The following AGMO variants were observed in gnomAD, a reference collection of about 807,000 sequenced individuals.
AGMO encodes glyceryl-ether monooxygenase.
Under a neutral mutation model 60.2 loss-of-function variants are expected in AGMO, and 75 were observed. The observed-to-expected ratio is 1.25, with a 90% CI of 1.03 to 1.51. The LOEUF is 1.51. AGMO is among the 40% of genes most tolerant of loss of function. The probability of loss-of-function intolerance (pLI) is 0.00; values close to 1 mark genes in which losing one functional copy is unlikely to be tolerated. For missense variants in AGMO, 763 were observed against 525.5 expected (o/e 1.45, Z -4.42); for synonymous variants, 261 against 177.1 (o/e 1.47, Z -3.76).
At chr7:15,505,065 G>T (rs560521648) in intron 3 of AGMO, among the ~76,000 whole-genome samples, 1 of 151,780 alleles carries the variant, frequency 6.6e-6, no homozygotes, top group African/African-American at 2.4e-5. Flanking sequence ...ATTATGTACA[G>T]CATTAAACTT....
chr7:15,316,187 A>C (rs752015137), intron 12 of AGMO, among the ~76,000 whole-genome samples: 4 of 152,184 alleles, frequency 2.6e-5, no homozygotes, highest in Non-Finnish European at 5.9e-5. Flanking sequence ...AAAACACAGT[A>C]ATGGAGAGGA....
At chr7:15,117,726 G>A in the AGMO span, among the ~76,000 whole-genome samples, 1 of 151,956 alleles carries the variant, frequency 6.6e-6, no homozygotes, top group South Asian at 2.1e-4. Context: ...CCACATGGCC[G>A]CATGCTTTCT....
chr7:15,503,052 G>C (rs1304885154), intron 3 of AGMO, among the ~76,000 whole-genome samples: 1 of 152,034 alleles, frequency 6.6e-6, no homozygotes, highest in Non-Finnish European at 1.5e-5. Flanking sequence ...TTGATTCAGA[G>C]GGACAAGACA....
At chr7:15,543,619 C>G (rs1784689966) in intron 3 of AGMO, among the ~76,000 whole-genome samples, 2 of 151,922 alleles carry the variant, frequency 1.3e-5, no homozygotes, top group South Asian at 4.2e-4. Flanking sequence ...TCTGAATGAC[C>G]CTCAATAATT....
chr7:15,432,345 T>TATATATAC (rs1219438518), intron 3 of AGMO, among the ~76,000 whole-genome samples: 11 of 130,178 alleles, frequency 8.4e-5, no homozygotes, highest in Middle Eastern at 9.3e-3. Flanking sequence ...TATATATATA[T>TATATATAC]ACATACATAT....
chr7:15,155,420 T>C, the AGMO span, among the ~76,000 whole-genome samples: 1 of 32,490 alleles, frequency 3.1e-5, no homozygotes, highest in African/African-American at 8.4e-5. Flanking sequence ...ACAGAATTTC[T>C]TTTTTTTTTT....
intron 8 of AGMO, 36 bp from the exon 9 acceptor site, chr7:15,387,576 G>C (rs759593172): frequency 1.3e-6 from 2 of 1,549,652 alleles, no homozygotes; most frequent in Non-Finnish European, 1.8e-6. Context: ...TTTCACATAA[G>C]ATAAATAGGA....
intron 12 of AGMO, among the ~76,000 whole-genome samples, chr7:15,215,145 T>G (rs187881485): frequency 1.3e-5 from 2 of 152,184 alleles, no homozygotes; most frequent in African/African-American, 4.8e-5. Context: ...CTGCAATAAA[T>G]CAGTCCACCA....
chr7:15,261,764 T>G (rs538988746), intron 12 of AGMO, among the ~76,000 whole-genome samples: 22 of 151,888 alleles, frequency 1.4e-4, no homozygotes, highest in Admixed American at 2.6e-4. Context: ...AAAATACTGG[T>G]GAATGGAATC....
At chr7:15,440,323 A>G (rs1781518594) in intron 3 of AGMO, among the ~76,000 whole-genome samples, 1 of 152,200 alleles carries the variant, frequency 6.6e-6, no homozygotes, top group Non-Finnish European at 1.5e-5. Context: ...AATACCACTC[A>G]ATCATAGGAG....
At chr7:15,326,073 T>TTTTTTTTA (rs1781331095) in intron 12 of AGMO, among the ~76,000 whole-genome samples, 1 of 152,106 alleles carries the variant, frequency 6.6e-6, no homozygotes, top group African/African-American at 2.4e-5. Flanking sequence ...AAATAATAGA[T>TTTTTTTTA]ACAGGTTTTT....
the AGMO span, among the ~76,000 whole-genome samples, chr7:15,194,314 T>C: frequency 6.6e-6 from 1 of 152,146 alleles, no homozygotes; most frequent in Non-Finnish European, 1.5e-5. Flanking sequence ...AGCACATGAA[T>C]AGCTACTGCT....
Position 15,493,708 on chromosome 7 carries a change from C to T in AGMO, c.409+51064G>A, listed in dbSNP as rs74297939. ...TTTTTCCCTGATCATTTGATAATAT[C>T]TTAGAGGCCTCATGCCCCTTTACCC... On this transcript the variant is annotated intron_variant, in intron 3 of 12. Coordinates refer to ENST00000342526, the MANE Select transcript of AGMO (RefSeq NM_001004320.2). 3.4e-3 allele frequency among the ~76,000 whole-genome samples: 525 copies of T among 152,234 alleles called. 23 individuals carry two copies. In the East Asian group the frequency reaches 0.085, roughly 25 times the overall value.
At chr7:15,410,282 A>C (rs1406788848) in intron 5 of AGMO, among the ~76,000 whole-genome samples, 1 of 151,840 alleles carries the variant, frequency 6.6e-6, no homozygotes, top group Non-Finnish European at 1.5e-5. Flanking sequence ...ATAGCAATAG[A>C]TTCTCACAAA....
intron 5 of AGMO, among the ~76,000 whole-genome samples, chr7:15,410,442 A>G (rs905736671): frequency 6.6e-6 from 1 of 151,904 alleles, no homozygotes; most frequent in African/African-American, 2.4e-5. Flanking sequence ...TCAAATTTTT[A>G]TAGTTAAGAA....
intron 12 of AGMO, among the ~76,000 whole-genome samples, chr7:15,321,494 G>T (rs1026349366): frequency 1.3e-5 from 2 of 152,154 alleles, no homozygotes; most frequent in Non-Finnish European, 2.9e-5. Flanking sequence ...CATATGATAA[G>T]AATGGAGTTC....
intron 6 of AGMO, among the ~76,000 whole-genome samples, chr7:15,391,549 T>C (rs937835262): frequency 2.0e-5 from 3 of 152,132 alleles, no homozygotes; most frequent in Non-Finnish European, 4.4e-5. Flanking sequence ...ACTGTAAATC[T>C]TAAGAAAAAG....
intron 10 of AGMO, among the ~76,000 whole-genome samples, chr7:15,378,484 C>T (rs1471932149): frequency 1.3e-5 from 2 of 151,978 alleles, no homozygotes; most frequent in African/African-American, 4.8e-5. Flanking sequence ...ATCAAATCAA[C>T]AAGGATTCCT....
chr7:15,325,889 C>T (rs1286109972), intron 12 of AGMO, among the ~76,000 whole-genome samples: 1 of 151,862 alleles, frequency 6.6e-6, no homozygotes, highest in African/African-American at 2.4e-5. Flanking sequence ...TTGTTTCTGT[C>T]CCCTTTAATG....
Sources: gnomAD v4.1 joint callset for allele counts (sites outside exome capture counted in the v4.1 genomes callset) on GRCh38, gnomAD v4.1.1 for gene constraint, MANE v1.5 for transcripts, NCBI Gene and HGNC (gene_info 2026-07-23, HGNC 2026-07-21) for gene names.